The following ENOX1 variants were observed in gnomAD, a reference collection of about 807,000 sequenced individuals.
ENOX1 encodes ecto-NOX disulfide-thiol exchanger 1, also known as candidate growth-related and time keeping constitutive hydroquinone (NADH) oxidase.
Under a neutral mutation model 82.5 loss-of-function variants are expected in ENOX1, and 42 were observed. That is an observed-to-expected ratio of 0.51 (90% CI 0.40 to 0.66). The LOEUF is 0.66. Ranked by LOEUF, ENOX1 falls within the 30% of genes least tolerant of loss-of-function variation. The probability of loss-of-function intolerance (pLI) is 0.00; values close to 1 mark genes in which losing one functional copy is unlikely to be tolerated. For missense variants in ENOX1, 608 were observed against 811.6 expected, an observed-to-expected ratio of 0.75 and a Z score of 3.05; for synonymous variants, 271 against 282.2, an observed-to-expected ratio of 0.96 and a Z score of 0.40.
intron 10 of ENOX1, among the ~76,000 whole-genome samples, chr13:43,324,518 C>T (rs961440650): frequency 6.6e-6 from 1 of 152,128 alleles, no homozygotes; most frequent in Non-Finnish European, 1.5e-5. Flanking sequence ...TTATACGCAA[C>T]TGAGAAATCA....
At chr13:43,618,977 ATTTTT>A (rs56048836) in intron 2 of ENOX1, among the ~76,000 whole-genome samples, 1 of 116,964 alleles carries the variant, frequency 8.5e-6, no homozygotes, top group South Asian at 2.8e-4. Flanking sequence ...ATAGTCCTAA[ATTTTT>A]TTTTTTTTTT....
intron 3 of ENOX1, among the ~76,000 whole-genome samples, chr13:43,430,040 A>G (rs747992250): frequency 1.3e-5 from 2 of 152,222 alleles, no homozygotes; most frequent in Non-Finnish European, 2.9e-5. Flanking sequence ...CAGTGAATGC[A>G]TATAAAGTGT....
Position 43,412,163 on chromosome 13 carries a change from C to CA in ENOX1, c.71-111dup, listed in dbSNP as rs111397000. On this transcript the variant is annotated intron_variant, in intron 4 of 16. Coordinates refer to ENST00000690772, the MANE Select transcript of ENOX1 (RefSeq NM_001347969.2). ...CTTCATTTAGCACATTCCCAAACTACAAAAAAAAAATAAAGAACTATAATC... is the reference window on the plus strand; with the variant it reads ...CTTCATTTAGCACATTCCCAAACTACAAAAAAAAAAATAAAGAACTATAATC... 6,540 of 1,035,872 alleles carry CA rather than the reference C, an allele frequency of 6.3e-3. 1 individual carries two copies. Among genetic ancestry groups the CA allele is most frequent in the South Asian group, 1.0e-2 (510 of 51,254 alleles). The allele number at this position is 1,035,872 out of a possible 1,614,324, so 64.2% of individuals were successfully genotyped here.
intron 2 of ENOX1, among the ~76,000 whole-genome samples, chr13:43,529,664 A>G (rs1451353755): frequency 6.6e-6 from 1 of 152,082 alleles, no homozygotes; most frequent in Non-Finnish European, 1.5e-5. Flanking sequence ...ATGAGTTCCA[A>G]TTGACAGCAA....
intron 5 of ENOX1, among the ~76,000 whole-genome samples, chr13:43,373,518 C>T (rs960769951): frequency 2.6e-5 from 4 of 152,114 alleles, no homozygotes; most frequent in Non-Finnish European, 5.9e-5. Context: ...TGAGTTTTCC[C>T]TTTGTAATTC....
intron 2 of ENOX1, among the ~76,000 whole-genome samples, chr13:43,541,971 C>T (rs887562084): frequency 2.6e-5 from 4 of 152,072 alleles, no homozygotes; most frequent in Non-Finnish European, 4.4e-5. Flanking sequence ...AAAAAGAGAA[C>T]GGTTTCTGAA....
At chr13:43,381,213 GACC>G (rs2052018601) in intron 5 of ENOX1, among the ~76,000 whole-genome samples, 1 of 151,594 alleles carries the variant, frequency 6.6e-6, no homozygotes, top group African/African-American at 2.4e-5. Context: ...TGTATTCTGA[GACC>G]ACAATAGTAT....
intron 1 of ENOX1, among the ~76,000 whole-genome samples, chr13:43,772,675 G>C (rs1194198370): frequency 1.4e-5 from 2 of 147,690 alleles, no homozygotes; most frequent in Non-Finnish European, 3.0e-5. Flanking sequence ...CATGAACCCA[G>C]AAGGCAGAGG....
At chr13:43,762,721 T>A (rs910489423) in intron 1 of ENOX1, among the ~76,000 whole-genome samples, 2 of 152,210 alleles carry the variant, frequency 1.3e-5, no homozygotes, top group Admixed American at 1.3e-4. Context: ...AGGCAAGATA[T>A]TTACTTCTTA....
chr13:43,257,797 G>C (rs562249720), intron 14 of ENOX1, among the ~76,000 whole-genome samples: 2 of 152,142 alleles, frequency 1.3e-5, no homozygotes, highest in Non-Finnish European at 2.9e-5. Flanking sequence ...GAACCTTTCT[G>C]GGGGAGGACA....
intron 2 of ENOX1, among the ~76,000 whole-genome samples, chr13:43,510,037 A>G (rs1477388499): frequency 6.6e-6 from 1 of 152,072 alleles, no homozygotes; most frequent in Non-Finnish European, 1.5e-5. Context: ...CATTGTGGAA[A>G]GGGTTTCTCT....
chr13:43,703,746 A>C (rs2087059967), intron 1 of ENOX1, among the ~76,000 whole-genome samples: 1 of 152,214 alleles, frequency 6.6e-6, no homozygotes, highest in Non-Finnish European at 1.5e-5. Context: ...AAAAGGAATA[A>C]CTGACTACTA....
At chr13:43,483,487 C>T (rs1237845944) in intron 3 of ENOX1, among the ~76,000 whole-genome samples, 1 of 152,102 alleles carries the variant, frequency 6.6e-6, no homozygotes, top group Non-Finnish European at 1.5e-5. Context: ...AAACCCCAAA[C>T]AAGCCCTATT....
intron 8 of ENOX1, among the ~76,000 whole-genome samples, chr13:43,351,693 T>G (rs9567159): frequency 0.2 from 29,050 of 148,094 alleles, 2,800 homozygotes; most frequent in South Asian, 0.3. Flanking sequence ...TTTTTGTTCT[T>G]GCGATAGTTT....
Position 43,306,835 on chromosome 13 carries a change from ACG to A in ENOX1, c.1262-8307_1262-8306del, listed in dbSNP as rs958934852. Among the ~76,000 whole-genome samples, 5 of 13,154 alleles carry A rather than the reference ACG, an allele frequency of 3.8e-4. No homozygotes were observed. In the Non-Finnish European group the frequency reaches 8.8e-3, roughly 23 times the overall value. The allele number at this position is 13,154 out of a possible 152,430, so 8.6% of individuals were successfully genotyped here. ...CTACCCTCTACATAGAAACACACAC[ACG>A]CACACACACAGTTATATTAGTATTT... On this transcript the variant is annotated intron_variant, in intron 11 of 16. Transcript: ENST00000690772.
chr13:43,249,719 A>G (rs2043343011), intron 14 of ENOX1, among the ~76,000 whole-genome samples: 1 of 152,224 alleles, frequency 6.6e-6, no homozygotes, highest in South Asian at 2.1e-4. Context: ...GGTCATAAAA[A>G]TAGATGGGAC....
At chr13:43,439,855 G>C (rs2153621240) in intron 3 of ENOX1, among the ~76,000 whole-genome samples, 1 of 152,214 alleles carries the variant, frequency 6.6e-6, no homozygotes, top group African/African-American at 2.4e-5. Flanking sequence ...AGATTTTTCT[G>C]GTGAAACATT....
chr13:43,373,486 C>T (rs2051385822), intron 5 of ENOX1, among the ~76,000 whole-genome samples: 1 of 152,230 alleles, frequency 6.6e-6, no homozygotes. Flanking sequence ...CTATGTTTGG[C>T]ATACCCACTT....
chr13:43,350,583 T>A (rs2049711037), intron 8 of ENOX1, among the ~76,000 whole-genome samples: 1 of 152,174 alleles, frequency 6.6e-6, no homozygotes, highest in Non-Finnish European at 1.5e-5. Context: ...GTAGCTGGGA[T>A]TACGGGCATG....
Sources: gnomAD v4.1 joint callset for allele counts (sites outside exome capture counted in the v4.1 genomes callset) on GRCh38, gnomAD v4.1.1 for gene constraint, MANE v1.5 for transcripts, NCBI Gene and HGNC (gene_info 2026-07-23, HGNC 2026-07-21) for gene names.